The following NAA11 variants were observed in gnomAD, a reference collection of about 807,000 sequenced individuals.
The protein encoded by NAA11 is N-alpha-acetyltransferase 11.
Under a neutral mutation model 16.1 loss-of-function variants are expected in NAA11, and 15 were observed. That is an observed-to-expected ratio of 0.93 (90% confidence interval 0.62 to 1.44). NAA11 has a LOEUF of 1.44. Ranked by LOEUF, NAA11 falls within the 40% of genes most tolerant of loss-of-function variation. The probability of loss-of-function intolerance (pLI) is 0.00; values close to 1 mark genes in which losing one functional copy is unlikely to be tolerated. For missense variants in NAA11, 298 were observed against 291.3 expected (o/e 1.02, Z -0.17); for synonymous variants, 122 against 112.4 (o/e 1.09, Z -0.54).
chr4:79,250,380 G>T (rs963617469), intron 2 of NAA11, among the ~76,000 whole-genome samples: 3 of 152,226 alleles, frequency 2.0e-5, no homozygotes, highest in African/African-American at 7.2e-5. Flanking sequence ...ATTCCAGCTG[G>T]CCAGCGGCAG....
chr4:79,206,534 G>T, the NAA11 span, among the ~76,000 whole-genome samples: 2 of 152,040 alleles, frequency 1.3e-5, no homozygotes, highest in Admixed American at 1.3e-4. Context: ...ATTTGCCCTG[G>T]CATGCTTATA....
intron 2 of NAA11, among the ~76,000 whole-genome samples, chr4:79,275,407 G>A (rs1722624914): frequency 6.6e-6 from 1 of 151,992 alleles, no homozygotes; most frequent in African/African-American, 2.4e-5. Flanking sequence ...TCATAAGAAA[G>A]GGGAAAATTG....
chr4:79,209,657 CTTAT>C, the NAA11 span, among the ~76,000 whole-genome samples: 3 of 151,918 alleles, frequency 2.0e-5, no homozygotes, highest in Non-Finnish European at 4.4e-5. Context: ...TATTTTAATG[CTTAT>C]TTAAGTTGCA....
At chr4:79,247,780 T>A (rs1363362792) in intron 2 of NAA11, among the ~76,000 whole-genome samples, 1 of 152,068 alleles carries the variant, frequency 6.6e-6, no homozygotes. Context: ...AGGGGTGAGT[T>A]AAGCAGGTGT....
chr4:79,235,847 C>A (rs1384843508), intron 2 of NAA11, among the ~76,000 whole-genome samples: 1 of 151,908 alleles, frequency 6.6e-6, no homozygotes, highest in East Asian at 1.9e-4. Flanking sequence ...CACTTCTAAC[C>A]ATTTAATTTT....
chr4:79,175,002 A>C, the NAA11 span, among the ~76,000 whole-genome samples: 2 of 152,138 alleles, frequency 1.3e-5, no homozygotes, highest in African/African-American at 4.8e-5. Context: ...TTCTTGAAGC[A>C]TGTAAGTCCT....
the NAA11 span, among the ~76,000 whole-genome samples, chr4:79,199,847 A>C: frequency 6.6e-6 from 1 of 152,044 alleles, no homozygotes; most frequent in South Asian, 2.1e-4. Flanking sequence ...TAAAGAAATC[A>C]TTATAATTGA....
At chr4:79,242,813 A>G (rs1560416510) in intron 2 of NAA11, among the ~76,000 whole-genome samples, 1 of 152,204 alleles carries the variant, frequency 6.6e-6, no homozygotes, top group African/African-American at 2.4e-5. Context: ...CAGTAGACCT[A>G]TTGGCTATAT....
chr4:79,201,782 T>C, the NAA11 span, among the ~76,000 whole-genome samples: 1 of 151,902 alleles, frequency 6.6e-6, no homozygotes, highest in African/African-American at 2.4e-5. Context: ...AAATAAATAA[T>C]GAATTTTTAA....
chr4:79,228,657 C>T (rs1297994345), intron 2 of NAA11, among the ~76,000 whole-genome samples: 2 of 151,906 alleles, frequency 1.3e-5, no homozygotes, highest in African/African-American at 4.8e-5. Context: ...TATTCCTTTG[C>T]ATTGCTGAGG....
intron 2 of NAA11, among the ~76,000 whole-genome samples, chr4:79,264,144 G>A (rs1277874595): frequency 1.3e-5 from 2 of 152,182 alleles, no homozygotes; most frequent in African/African-American, 4.8e-5. Context: ...GTACAACCAT[G>A]AACCATTGTT....
chr4:79,213,426 T>C, the NAA11 span, among the ~76,000 whole-genome samples: 2 of 152,186 alleles, frequency 1.3e-5, no homozygotes, highest in Non-Finnish European at 2.9e-5. Flanking sequence ...CAAAACTTTA[T>C]AAATTCAGAT....
the NAA11 span, among the ~76,000 whole-genome samples, chr4:79,189,160 A>AAAAAAAAAAAAAAAAAC: frequency 6.7e-6 from 1 of 148,372 alleles, no homozygotes; most frequent in South Asian, 2.1e-4. Context: ...AAAAAAAAAA[A>AAAAAAAAAAAAAAAAAC]AAAACTTATG....
the NAA11 span, among the ~76,000 whole-genome samples, chr4:79,160,959 T>C: frequency 6.6e-6 from 1 of 152,226 alleles, no homozygotes; most frequent in East Asian, 1.9e-4. Context: ...GTCTGATTAC[T>C]TATTTTTCTT....
intron 2 of NAA11, among the ~76,000 whole-genome samples, chr4:79,283,821 T>C (rs1722849076): frequency 6.6e-6 from 1 of 152,076 alleles, no homozygotes; most frequent in South Asian, 2.1e-4. Flanking sequence ...TACTAGAAAA[T>C]TGGTTATAGT....
chr4:79,272,431 T>C, intron 2 of NAA11, among the ~76,000 whole-genome samples: 1 of 152,032 alleles, frequency 6.6e-6, no homozygotes, highest in East Asian at 1.9e-4. Context: ...TGATATCCTG[T>C]GCAGAAGCAG....
the NAA11 span, among the ~76,000 whole-genome samples, chr4:79,158,176 CA>C: frequency 0.23 from 34,404 of 151,912 alleles, 4,515 homozygotes; most frequent in Middle Eastern, 0.37. Context: ...GCTGGGATTA[CA>C]GCCGTGAGAC....
chr4:79,271,963 A>G (rs1056302042), intron 2 of NAA11, among the ~76,000 whole-genome samples: 3 of 151,908 alleles, frequency 2.0e-5, no homozygotes, highest in African/African-American at 7.2e-5. Context: ...AATGTATATT[A>G]TAACTCTTCC....
chr4:79,179,169 T>C, the NAA11 span, among the ~76,000 whole-genome samples: 1 of 152,206 alleles, frequency 6.6e-6, no homozygotes, highest in African/African-American at 2.4e-5. Flanking sequence ...GTGTATTTTG[T>C]TATTTTTTGA....
Sources: gnomAD v4.1 joint callset for allele counts (sites outside exome capture counted in the v4.1 genomes callset) on GRCh38, gnomAD v4.1.1 for gene constraint, MANE v1.5 for transcripts, NCBI Gene and HGNC (gene_info 2026-07-23, HGNC 2026-07-21) for gene names.